Variants in CCNG2 observed in about 807,000 individuals in gnomAD.
CCNG2 encodes cyclin G2.
A neutral mutation model predicts 36.5 loss-of-function variants in CCNG2; 20 were observed. That is an observed-to-expected ratio of 0.55 (90% confidence interval 0.39 to 0.80). The LOEUF (loss-of-function observed/expected upper bound fraction) is 0.80, where lower values mean the gene tolerates loss of function less well. CCNG2 is among the 30% of genes least tolerant of loss of function. CCNG2 has a pLI of 0.00. For missense variants in CCNG2, 358 were observed against 390.8 expected, an observed-to-expected ratio of 0.92 and a Z score of 0.71; for synonymous variants, 155 against 140.1, an observed-to-expected ratio of 1.11 and a Z score of -0.75.
At position 77,161,471 on chromosome 4, in the gene CCNG2, A is replaced by G. The variant is rs1361559147; in HGVS notation, c.528-9A>G. ...AGTTTAATAAATCTTTGTTCTTTGC[A>G]TTGTATAGGAAAGAAATACTGAGCC... is the stretch of plus-strand genomic sequence containing the variant. On this transcript the variant is annotated splice_polypyrimidine_tract_variant and intron_variant, in intron 4 of 7. Coordinates refer to ENST00000316355, the MANE Select transcript of CCNG2 (RefSeq NM_004354.3). 1.9e-6 allele frequency: 3 copies of G among 1,551,278 alleles called. No homozygotes were observed. The highest frequency in any genetic ancestry group is 1.2e-5 in the South Asian group (1 of 84,744).
At chr4:77,165,333 C>G (rs186084884) in intron 7 of CCNG2, among the ~76,000 whole-genome samples, 3 of 152,082 alleles carry the variant, frequency 2.0e-5, no homozygotes, top group Admixed American at 2.0e-4. Context: ...TTCTACAATT[C>G]TAATACTTGC....
chr4:77,158,092 T>G (rs1039299136), intron 1 of CCNG2, among the ~76,000 whole-genome samples: 36 of 151,832 alleles, frequency 2.4e-4, no homozygotes, highest in Admixed American at 5.2e-4. Flanking sequence ...TCCCTCCGCT[T>G]CTTTGTTCAG....
chr4:77,161,577 T>C lies in CCNG2; in HGVS notation c.606+19T>C. 1 of 1,593,820 alleles carries C rather than the reference T, an allele frequency of 6.3e-7. No homozygotes were observed. The highest frequency in any genetic ancestry group is 2.2e-5 in the East Asian group (1 of 44,734). On this transcript the variant is annotated intron_variant, in intron 5 of 7. Transcript: ENST00000316355. Reference sequence around the variant, plus strand: ...AGCAAAAGTAAGTCGATTCCTTGCTTATGTATATATCTCACAGTTTGTATT... The same window carrying C: ...AGCAAAAGTAAGTCGATTCCTTGCTCATGTATATATCTCACAGTTTGTATT...
rs1033376245 is a variant in CCNG2 at position 77,166,368 on chromosome 4, C to A, written c.*444C>A. ...ATGGTTTATCATAGATTTCACCCTC[C>A]CCCCTTCTCAGAAGAGTGAGTATGC... On this transcript the variant is annotated 3_prime_UTR_variant, in exon 8 of 8. Coordinates refer to ENST00000316355, the MANE Select transcript of CCNG2 (RefSeq NM_004354.3). The A allele has an allele frequency of 6.6e-6, 1 of 152,336 alleles. No individual in the cohort carries two copies. The highest frequency in any genetic ancestry group is 6.5e-5 in the Admixed American group (1 of 15,270). 9.4% of individuals were successfully genotyped at this position (152,336 alleles called of 1,614,324 possible). A position where few individuals can be genotyped will look rare whatever the true frequency, so the allele number is the denominator to read the frequency against.
At position 77,166,974 on chromosome 4, in the gene CCNG2, G is replaced by T. The variant is rs990093040; in HGVS notation, c.*1050G>T. On this transcript the variant is annotated 3_prime_UTR_variant, in exon 8 of 8. Transcript: ENST00000316355. ...CAGAGAATTTTTAACTTTATAAATT[G>T]TATATGAACATGTAAATCTTTTAAA... 1 of 152,106 alleles carries T rather than the reference G, an allele frequency of 6.6e-6. No homozygotes were observed. Among genetic ancestry groups the T allele is most frequent in the Non-Finnish European group, 1.5e-5 (1 of 68,000 alleles). 9.4% of individuals were successfully genotyped at this position (152,106 alleles called of 1,614,324 possible).
At chr4:77,161,109 T>G in intron 4 of CCNG2, 138 bp downstream of exon 4, 1 of 763,392 alleles carries the variant, frequency 1.3e-6, no homozygotes, top group East Asian at 2.8e-5. Flanking sequence ...CTTTTTTTTT[T>G]TTTTTTTTTG....
At chr4:77,158,707 G>A in intron 2 of CCNG2, 37 bp downstream of exon 2, 1 of 1,611,596 alleles carries the variant, frequency 6.2e-7, no homozygotes, top group Non-Finnish European at 8.5e-7. Context: ...TCAAGCAGCT[G>A]ATGGGGCTTG....
rs757081825 is a variant in CCNG2 at position 77,163,375 on chromosome 4, T to C, written c.706-899T>C. 5.1e-4 allele frequency among the ~76,000 whole-genome samples: 77 copies of C among 152,184 alleles called. 1 individual carries two copies. The highest frequency in any genetic ancestry group is 1.9e-3 in the South Asian group (9 of 4,824). ...CCAATATAATGAAAATTGAAGGTCA[T>C]TGGGTGTGTCAGAGGTAATGTCAGT... On this transcript the variant is annotated intron_variant, in intron 6 of 7. Coordinates refer to ENST00000316355, the MANE Select transcript of CCNG2 (RefSeq NM_004354.3).
At chr4:77,161,850 T>A in intron 6 of CCNG2, 103 bp downstream of exon 6, 1 of 685,082 alleles carries the variant, frequency 1.5e-6, no homozygotes, top group East Asian at 2.6e-5. Flanking sequence ...CTCTTAACTT[T>A]TACACTTGTT....
intron 6 of CCNG2, among the ~76,000 whole-genome samples, chr4:77,162,327 T>C (rs1487290628): frequency 1.3e-5 from 2 of 152,052 alleles, no homozygotes; most frequent in Non-Finnish European, 2.9e-5. Flanking sequence ...CTGTCATTTG[T>C]TATTGTGTCT....
chr4:77,164,753 C>T, intron 7 of CCNG2: 2 of 255,330 alleles, frequency 7.8e-6, no homozygotes, highest in Non-Finnish European at 7.6e-6. Flanking sequence ...CAGGGCTGGT[C>T]TTACATACTC....
chr4:77,165,363 C>T (rs1309017914), intron 7 of CCNG2, among the ~76,000 whole-genome samples: 3 of 151,700 alleles, frequency 2.0e-5, no homozygotes, highest in African/African-American at 7.3e-5. Flanking sequence ...TTAATTGGTA[C>T]AAGAATAATA....
In CCNG2 at chr4:77,164,284, C is replaced by T. The variant is rs758895798; in HGVS notation, c.716C>T (p.Thr239Ile). 6.2e-7 allele frequency: 1 copy of T among 1,612,854 alleles called. No homozygotes were observed. Among genetic ancestry groups the T allele is most frequent in the South Asian group, 1.1e-5 (1 of 91,052 alleles). ...ATATTTTTTTTTCAGATTAATGACACTGAGTTCTTCTACTGGAGAGAGTTG... is the reference window on the plus strand; with the variant it reads ...ATATTTTTTTTTCAGATTAATGACATTGAGTTCTTCTACTGGAGAGAGTTG... The part of the protein sequence containing the change: ...LVKKHSKIND[T>I]EFFYWRELVS... Residue 239 changes from threonine to isoleucine, a missense_variant, in exon 7 of 8, where the codon ACT becomes ATT. By Grantham distance (89) the Thr-to-Ile change is moderately conservative. Coordinates refer to ENST00000316355, the MANE Select transcript of CCNG2 (RefSeq NM_004354.3).
At chr4:77,160,996 TG>T in intron 4 of CCNG2, 25 bp downstream of exon 4, 1 of 1,560,616 alleles carries the variant, frequency 6.4e-7, no homozygotes, top group South Asian at 1.1e-5. Context: ...AGATACATTT[TG>T]TACTTTGAAC....
chr4:77,165,076 T>C (rs888455791), intron 7 of CCNG2: 5 of 152,244 alleles, frequency 3.3e-5, no homozygotes, highest in African/African-American at 1.2e-4. Context: ...GGTTTGTCAA[T>C]TGGTGTTGTC....
chr4:77,162,861 A>G lies in CCNG2; in HGVS notation c.705+1114A>G, dbSNP rs114518975. ...ATTTTAGGGTAGACTTACAGGTACA[A>G]TGTCTAGGTGGTAGTCACAAGCAGG... On this transcript the variant is annotated intron_variant, in intron 6 of 7. Coordinates refer to ENST00000316355, the MANE Select transcript of CCNG2 (RefSeq NM_004354.3). Among the ~76,000 whole-genome samples, 713 of 152,080 alleles carry G rather than the reference A, an allele frequency of 4.7e-3. 5 individuals carry two copies. The highest frequency in any genetic ancestry group is 0.017 in the African/African-American group (688 of 41,508).
chr4:77,159,307 A>G (rs1731362900), intron 2 of CCNG2, 60 bp from the exon 3 acceptor site: 3 of 1,487,630 alleles, frequency 2.0e-6, no homozygotes, highest in South Asian at 2.4e-5. Flanking sequence ...TTGGACCTGT[A>G]TGTGTTTTTC....
intron 6 of CCNG2, among the ~76,000 whole-genome samples, chr4:77,162,011 G>A (rs1328995274): frequency 6.6e-6 from 1 of 152,166 alleles, no homozygotes; most frequent in Non-Finnish European, 1.5e-5. Flanking sequence ...TAGTACAGCT[G>A]TTACATTGCC....
Position 77,158,580 on chromosome 4 carries a change from A to G in CCNG2, c.48A>G (p.Gln16=), listed in dbSNP as rs531415074. The change falls in exon 2 of 8, where the codon CAA becomes CAG. Residue 16 remains glutamine (Q), a synonymous_variant. Coordinates refer to ENST00000316355, the MANE Select transcript of CCNG2 (RefSeq NM_004354.3). ...AEHLAGHEGV[Q]LLGLLNVYLE... ...ACTTGGCAGGTCATGAAGGGGTCCA[A>G]CTTCTCGGGTTGTTGAACGTCTACC... 17 of 1,614,086 alleles carry G rather than the reference A, an allele frequency of 1.1e-5. No individual in the cohort carries two copies. The highest frequency in any genetic ancestry group is 6.6e-5 in the South Asian group (6 of 91,074).
Sources: allele counts gnomAD v4.1 joint callset (sites outside exome capture counted in the v4.1 genomes callset), GRCh38; gene constraint gnomAD v4.1.1; transcripts MANE v1.5; gene names NCBI Gene and HGNC (gene_info 2026-07-23, HGNC 2026-07-21).